The following MEMO1 variants were observed in gnomAD, a reference collection of about 807,000 sequenced individuals.
The protein encoded by MEMO1 is protein MEMO1.
In MEMO1, 6 loss-of-function variants were observed where a neutral mutation model predicts 45.2. The ratio of observed to expected loss-of-function variants is 0.13; its 90% CI spans 0.07 to 0.26. The LOEUF is 0.26. Among genes scored for constraint, MEMO1 ranks in the 10% least tolerant of loss-of-function variants. The pLI, the probability that MEMO1 is intolerant of heterozygous loss-of-function variation, is 1.00. For missense variants in MEMO1, 184 were observed against 370.5 expected, an observed-to-expected ratio of 0.50 and a Z score of 4.13; for synonymous variants, 78 against 124.3, an observed-to-expected ratio of 0.63 and a Z score of 2.48.
At chr2:31,977,996 G>C (rs1238692762) in intron 2 of MEMO1, among the ~76,000 whole-genome samples, 1 of 152,096 alleles carries the variant, frequency 6.6e-6, no homozygotes, top group Non-Finnish European at 1.5e-5. Flanking sequence ...TGGTGATTAA[G>C]AGCTCCAACT....
intron 6 of MEMO1, among the ~76,000 whole-genome samples, chr2:31,899,270 C>T (rs1009796937): frequency 4.6e-5 from 7 of 152,144 alleles, no homozygotes; most frequent in Non-Finnish European, 8.8e-5. Context: ...CATCATGCTA[C>T]CTGATTTCAA....
At chr2:31,931,892 A>G (rs1664222040) in intron 4 of MEMO1, among the ~76,000 whole-genome samples, 175 bp downstream of exon 4, 2 of 152,172 alleles carry the variant, frequency 1.3e-5, no homozygotes, top group African/African-American at 4.8e-5. Context: ...CAACAACAAA[A>G]AAGAAGTATT....
At chr2:32,005,226 A>AG (rs1269596431) in intron 2 of MEMO1, among the ~76,000 whole-genome samples, 1 of 148,916 alleles carries the variant, frequency 6.7e-6, no homozygotes, top group African/African-American at 2.5e-5. Context: ...AGGCTGAAGG[A>AG]GGAAGACTGC....
At chr2:31,875,047 A>G (rs1674364498) in intron 8 of MEMO1, among the ~76,000 whole-genome samples, 2 of 152,004 alleles carry the variant, frequency 1.3e-5, no homozygotes, top group Middle Eastern at 3.2e-3. Flanking sequence ...TCAACAATAT[A>G]CTAATAAAAT....
chr2:31,986,797 A>C (rs181312821), intron 2 of MEMO1, among the ~76,000 whole-genome samples: 111 of 152,336 alleles, frequency 7.3e-4, no homozygotes, highest in African/African-American at 2.6e-3. Flanking sequence ...CTGCTATTCT[A>C]TGTGCAGTAG....
chr2:31,988,537 C>T (rs1671554764), intron 2 of MEMO1, among the ~76,000 whole-genome samples: 1 of 152,106 alleles, frequency 6.6e-6, no homozygotes, highest in Admixed American at 6.5e-5. Flanking sequence ...CAAAGCAAGA[C>T]TCTGTCTCGA....
intron 2 of MEMO1, among the ~76,000 whole-genome samples, chr2:31,998,360 C>G (rs540256183): frequency 2.0e-5 from 3 of 152,266 alleles, no homozygotes; most frequent in African/African-American, 7.2e-5. Flanking sequence ...TTCTCCTCCT[C>G]ATGAGATGCT....
chr2:31,988,285 G>A (rs778251410), intron 2 of MEMO1, among the ~76,000 whole-genome samples: 2 of 152,074 alleles, frequency 1.3e-5, no homozygotes, highest in African/African-American at 2.4e-5. Flanking sequence ...GGTAGCTCAC[G>A]CCTGTAATCC....
intron 2 of MEMO1, among the ~76,000 whole-genome samples, chr2:31,973,674 T>C (rs1019454339): frequency 2.6e-5 from 4 of 152,218 alleles, no homozygotes; most frequent in South Asian, 2.1e-4. Flanking sequence ...ACTATGTGAA[T>C]GAACCTTGAA....
Position 31,879,632 on chromosome 2 carries a change from A to G in MEMO1, c.657+3754T>C, listed in dbSNP as rs142731215. Among the ~76,000 whole-genome samples the G allele has an allele frequency of 9.8e-3, 1,486 of 152,354 alleles. 27 individuals carry two copies. Among genetic ancestry groups the G allele is most frequent in the South Asian group, 0.049 (236 of 4,830 alleles). On this transcript the variant is annotated intron_variant, in intron 8 of 9. Transcript: ENST00000404530. ...ATAAACAGGTAAAATTAATTTTAAG[A>G]TATTTTATTAAACACAATCTGGCAG...
chr2:31,940,333 TG>T (rs1280340508), intron 3 of MEMO1, among the ~76,000 whole-genome samples: 1 of 152,164 alleles, frequency 6.6e-6, no homozygotes, highest in Non-Finnish European at 1.5e-5. Context: ...TATAGCCAGC[TG>T]CCCATTCTAA....
chr2:31,914,131 G>A (rs1301898526), intron 6 of MEMO1, among the ~76,000 whole-genome samples: 3 of 152,170 alleles, frequency 2.0e-5, no homozygotes, highest in East Asian at 3.8e-4. Context: ...CCAGCACCAC[G>A]GCCCCAGAGA....
chr2:31,895,139 T>C (rs1677560945), intron 6 of MEMO1, among the ~76,000 whole-genome samples: 1 of 152,106 alleles, frequency 6.6e-6, no homozygotes, highest in African/African-American at 2.4e-5. Flanking sequence ...AAATACAACC[T>C]GCAAGGGAAA....
At chr2:31,983,215 C>T (rs372531871) in intron 2 of MEMO1, among the ~76,000 whole-genome samples, 5 of 152,076 alleles carry the variant, frequency 3.3e-5, no homozygotes, top group East Asian at 3.9e-4. Context: ...GAGCCAAGAT[C>T]GTGCCATTGC....
chr2:31,902,968 C>T (rs965997682), intron 6 of MEMO1, among the ~76,000 whole-genome samples: 13 of 151,746 alleles, frequency 8.6e-5, no homozygotes, highest in African/African-American at 1.7e-4. Context: ...AAAAAATACA[C>T]GCGATAAGAA....
intron 8 of MEMO1, among the ~76,000 whole-genome samples, chr2:31,879,602 A>T (rs1175913151): frequency 6.6e-6 from 1 of 152,226 alleles, no homozygotes; most frequent in African/African-American, 2.4e-5. Flanking sequence ...AGCCATATTT[A>T]AAAAATAAAC....
chr2:31,876,249 G>A (rs533177090), intron 8 of MEMO1, among the ~76,000 whole-genome samples: 81 of 152,000 alleles, frequency 5.3e-4, no homozygotes, highest in African/African-American at 1.8e-3. Context: ...TAAGGTCTTT[G>A]CACTGGCAAC....
At chr2:31,933,336 AAAAAAAAAAAAAATTTATATATAT>A (rs1558514085) in intron 3 of MEMO1, among the ~76,000 whole-genome samples, 3 of 57,454 alleles carry the variant, frequency 5.2e-5, no homozygotes, top group African/African-American at 2.4e-4. Context: ...AAAAAAAAAA[AAAAAAAAAAAAAATTTATATATAT>A]ATATATATAT....
chr2:31,923,812 A>G, intron 4 of MEMO1: 3 of 1,459,048 alleles, frequency 2.1e-6, no homozygotes, highest in Non-Finnish European at 2.7e-6. Context: ...TTTCCTAAGT[A>G]AGTGTAATAA....
Sources: allele counts gnomAD v4.1 joint callset (sites outside exome capture counted in the v4.1 genomes callset), GRCh38; gene constraint gnomAD v4.1.1; transcripts MANE v1.5; gene names NCBI Gene and HGNC (gene_info 2026-07-23, HGNC 2026-07-21).